The following BCAT1 variants were observed in gnomAD, a reference collection of about 807,000 sequenced individuals.
The protein encoded by BCAT1 is branched chain amino acid transaminase 1.
BCAT1 carries 48 observed loss-of-function variants against 52.4 expected under a neutral mutation model. The observed-to-expected ratio is 0.92, with a 90% CI of 0.73 to 1.16. The LOEUF is 1.16. BCAT1 is among the 50% of genes most tolerant of loss of function. BCAT1 has a pLI of 0.00. For synonymous variants in BCAT1, 167 were observed against 161.3 expected, an observed-to-expected ratio of 1.04 and a Z score of -0.27; for missense variants, 451 against 457.1, an observed-to-expected ratio of 0.99 and a Z score of 0.12.
In BCAT1 at chr12:24,836,325, C is replaced by T. The variant is rs145284125; in HGVS notation, c.903+186G>A. 8.5e-5 allele frequency: 49 copies of T among 579,072 alleles called. No homozygotes were observed. The African/African-American group carries it at 8.7e-4, about 10-fold the overall frequency. 35.9% of individuals were successfully genotyped at this position (579,072 alleles called of 1,614,324 possible). A position where few individuals can be genotyped will look rare whatever the true frequency, so the allele number is the denominator to read the frequency against. ...GGTTTCTCTCTGCCCTTGCTATCAA[C>T]AATACTTATTTTAATAGTCTTGCCA... On this transcript the variant is annotated intron_variant, in intron 8 of 10. Transcript: ENST00000261192.
intron 7 of BCAT1, among the ~76,000 whole-genome samples, chr12:24,841,244 T>C (rs774265763): frequency 3.0e-4 from 46 of 152,258 alleles, no homozygotes; most frequent in Non-Finnish European, 5.1e-4. Flanking sequence ...GATTGAGTTC[T>C]AGAGTAAATT....
chr12:24,921,983 A>G (rs928819906), intron 1 of BCAT1, among the ~76,000 whole-genome samples: 1 of 152,146 alleles, frequency 6.6e-6, no homozygotes, highest in Non-Finnish European at 1.5e-5. Flanking sequence ...ATGTGCACAC[A>G]TACACACATA....
chr12:24,906,376 G>A (rs1943225605), intron 1 of BCAT1, among the ~76,000 whole-genome samples: 1 of 152,066 alleles, frequency 6.6e-6, no homozygotes, highest in Admixed American at 6.6e-5. Context: ...TTTCTGAAGT[G>A]TCTCCAAGAC....
chr12:24,847,842 A>C (rs1941392355), intron 6 of BCAT1, among the ~76,000 whole-genome samples: 1 of 152,254 alleles, frequency 6.6e-6, no homozygotes, highest in Non-Finnish European at 1.5e-5. Context: ...TAATAATACC[A>C]GTTGACTACA....
intron 1 of BCAT1, chr12:24,902,329 G>C (rs978978734): frequency 6.1e-5 from 75 of 1,238,096 alleles, no homozygotes; most frequent in East Asian, 1.5e-4. Context: ...CAAAGGGAAC[G>C]GGGACGGGCG....
rs113521565 is a variant in BCAT1 at position 24,823,532 on chromosome 12, C to T, written c.1120-5483G>A. Among the ~76,000 whole-genome samples, 1,374 of 152,302 alleles carry T rather than the reference C, an allele frequency of 9.0e-3. 8 individuals carry two copies. The highest frequency in any genetic ancestry group is 0.014 in the Non-Finnish European group (938 of 68,022). Reference sequence around the variant, plus strand: ...GATATGGTTTGAATTTGTGTCCCCACCCAAATCTCATGTGGAATTGTAATC... The same window carrying T: ...GATATGGTTTGAATTTGTGTCCCCATCCAAATCTCATGTGGAATTGTAATC... On this transcript the variant is annotated intron_variant, in intron 10 of 10. Coordinates refer to ENST00000261192, the MANE Select transcript of BCAT1 (RefSeq NM_005504.7).
At chr12:24,894,537 T>A in intron 2 of BCAT1, 62 bp from the exon 3 acceptor site, 1 of 1,335,242 alleles carries the variant, frequency 7.5e-7, no homozygotes, top group African/African-American at 1.5e-5. Context: ...GGCTAGATTA[T>A]ACAGAGGGGA....
At position 24,816,838 on chromosome 12, in the gene BCAT1, A is replaced by G. The variant is rs997610163; in HGVS notation, c.*1170T>C. ...TTCTCATAAGGAGCGCATAGCCTAGATCCCTTGCATGCAGAGTTCACAATA... is the reference window on the plus strand; with the variant it reads ...TTCTCATAAGGAGCGCATAGCCTAGGTCCCTTGCATGCAGAGTTCACAATA... On this transcript the variant is annotated 3_prime_UTR_variant, in exon 11 of 11. Coordinates refer to ENST00000261192, the MANE Select transcript of BCAT1 (RefSeq NM_005504.7). 5 of 342,044 alleles carry G rather than the reference A, an allele frequency of 1.5e-5. No homozygotes were observed. Among genetic ancestry groups the G allele is most frequent in the Non-Finnish European group, 2.6e-5 (5 of 190,116 alleles). The allele number at this position is 342,044 out of a possible 1,614,324, so 21.2% of individuals were successfully genotyped here.
rs147332384 is a variant in BCAT1 at position 24,934,601 on chromosome 12, T to A, written c.6+14326A>T. ...AGAGTTTAACTCTTGTCACCCAGGC[T>A]GGAGTGCAGTGGTGCGATCTTGGCT... On this transcript the variant is annotated intron_variant, in intron 1 of 10. Transcript: ENST00000261192. 2.5e-3 allele frequency among the ~76,000 whole-genome samples: 383 copies of A among 152,356 alleles called. 4 individuals carry two copies. Among genetic ancestry groups the A allele is most frequent in the African/African-American group, 8.9e-3 (369 of 41,586 alleles).
chr12:24,920,166 T>A (rs1354531518), intron 1 of BCAT1, among the ~76,000 whole-genome samples: 1 of 152,228 alleles, frequency 6.6e-6, no homozygotes, highest in African/African-American at 2.4e-5. Flanking sequence ...TAAAGCCTAT[T>A]TCAGCATCCA....
At chr12:24,945,372 G>C (rs1191552946) in intron 1 of BCAT1, 1 of 152,208 alleles carries the variant, frequency 6.6e-6, no homozygotes. Flanking sequence ...TCCCATTGCA[G>C]TGGCCTTAGT....
At chr12:24,891,172 T>C (rs926822224) in intron 3 of BCAT1, among the ~76,000 whole-genome samples, 1 of 152,106 alleles carries the variant, frequency 6.6e-6, no homozygotes, top group African/African-American at 2.4e-5. Flanking sequence ...GGGCCCTAGG[T>C]CAGCACATAA....
intron 1 of BCAT1, chr12:24,902,175 G>A (rs994718422): frequency 3.5e-6 from 5 of 1,432,952 alleles, no homozygotes; most frequent in Non-Finnish European, 1.8e-6. Flanking sequence ...GCCAGGGTTC[G>A]CCGGCAAAGA....
intron 8 of BCAT1, chr12:24,834,295 C>T: frequency 1.0e-6 from 1 of 985,314 alleles, no homozygotes; most frequent in South Asian, 4.7e-5. Flanking sequence ...TCTCTTCCTT[C>T]TCTTTCAGTA....
intron 1 of BCAT1, among the ~76,000 whole-genome samples, chr12:24,923,873 C>A (rs1316310073): frequency 2.0e-5 from 3 of 152,212 alleles, no homozygotes; most frequent in African/African-American, 7.2e-5. Flanking sequence ...GAGTGAAAAG[C>A]AGAATCTGCT....
At chr12:24,942,360 G>A (rs796388554) in intron 1 of BCAT1, among the ~76,000 whole-genome samples, 7 of 152,226 alleles carry the variant, frequency 4.6e-5, no homozygotes, top group African/African-American at 1.7e-4. Flanking sequence ...GGCCAACATG[G>A]AGAAACCCCG....
At position 24,902,505 on chromosome 12, in the gene BCAT1, T is replaced by C. The variant is rs1201787589; in HGVS notation, c.7-620A>G. On this transcript the variant is annotated intron_variant, in intron 1 of 10. Coordinates refer to ENST00000261192, the MANE Select transcript of BCAT1 (RefSeq NM_005504.7). ...TTTAATGCGTAATCTGCTAAATAAC[T>C]ACGGGGGTGGGGGTGGGGAAGGAAG... 14 of 483,294 alleles carry C rather than the reference T, an allele frequency of 2.9e-5. No individual in the cohort carries two copies. In the South Asian group the frequency reaches 9.2e-4, roughly 32 times the overall value. 29.9% of individuals were successfully genotyped at this position (483,294 alleles called of 1,614,324 possible). A position where few individuals can be genotyped will look rare whatever the true frequency, so the allele number is the denominator to read the frequency against.
intron 1 of BCAT1, among the ~76,000 whole-genome samples, chr12:24,943,754 G>C (rs1054660813): frequency 1.3e-5 from 2 of 152,144 alleles, no homozygotes; most frequent in African/African-American, 2.4e-5. Context: ...GGTGGCCGAG[G>C]CGGGCAGATC....
intron 1 of BCAT1, among the ~76,000 whole-genome samples, chr12:24,941,862 G>A (rs1248194828): frequency 6.6e-6 from 1 of 152,118 alleles, no homozygotes; most frequent in Non-Finnish European, 1.5e-5. Flanking sequence ...TGAGCAACAT[G>A]GTGCAAATTA....
Sources: gnomAD v4.1 joint callset for allele counts (sites outside exome capture counted in the v4.1 genomes callset) on GRCh38, gnomAD v4.1.1 for gene constraint, MANE v1.5 for transcripts, NCBI Gene and HGNC (gene_info 2026-07-23, HGNC 2026-07-21) for gene names.